The following ANK3 variants were observed in gnomAD, a reference collection of about 807,000 sequenced individuals.
ANK3 encodes the protein ankyrin-3.
ANK3 carries 57 observed loss-of-function variants against 370.9 expected under a neutral mutation model. The ratio of observed to expected loss-of-function variants is 0.15; its 90% CI spans 0.12 to 0.19. The LOEUF (loss-of-function observed/expected upper bound fraction) is 0.19, where lower values mean the gene tolerates loss of function less well. Among genes scored for constraint, ANK3 ranks in the 10% least tolerant of loss-of-function variants. ANK3 has a pLI of 1.00. For missense variants in ANK3, 4,439 were observed against 5,302.1 expected, an observed-to-expected ratio of 0.84 and a Z score of 5.06; for synonymous variants, 1,929 against 1,946.3, an observed-to-expected ratio of 0.99 and a Z score of 0.23.
At chr10:60,603,597 T>G (rs1595341971) in intron 2 of ANK3, among the ~76,000 whole-genome samples, 1 of 152,262 alleles carries the variant, frequency 6.6e-6, no homozygotes, top group Non-Finnish European at 1.5e-5. Flanking sequence ...ATGCTATTTC[T>G]CAAGCATTAA....
intron 2 of ANK3, among the ~76,000 whole-genome samples, chr10:60,548,920 C>T (rs1478018310): frequency 6.6e-6 from 1 of 152,074 alleles, no homozygotes; most frequent in African/African-American, 2.4e-5. Context: ...CTTCTGCTCA[C>T]TTAATCCACA....
At chr10:60,655,362 T>C (rs1049972780) in intron 1 of ANK3, among the ~76,000 whole-genome samples, 1 of 151,878 alleles carries the variant, frequency 6.6e-6, no homozygotes, top group Non-Finnish European at 1.5e-5. Context: ...AGGTGGAAGA[T>C]GGTAATATTG....
At chr10:60,391,249 A>G (rs2063079273), upstream of ANK3, among the ~76,000 whole-genome samples, 1 of 152,170 alleles carries the variant, frequency 6.6e-6, no homozygotes, top group Non-Finnish European at 1.5e-5. Flanking sequence ...AGGGCCTACT[A>G]TGTGCACCGA....
chr10:60,292,828 C>T (rs938719661), intron 1 of ANK3, among the ~76,000 whole-genome samples: 5 of 152,006 alleles, frequency 3.3e-5, no homozygotes, highest in Non-Finnish European at 4.4e-5. Flanking sequence ...CTGCCTCAGC[C>T]TCCTGAGTAG....
intron 7 of ANK3, among the ~76,000 whole-genome samples, chr10:60,245,814 G>A (rs1340348707): frequency 6.6e-6 from 1 of 152,180 alleles, no homozygotes; most frequent in African/African-American, 2.4e-5. Context: ...TATTTGAATA[G>A]ACTGATAAGA....
chr10:60,080,292 T>C (rs1187331423), intron 36 of ANK3, among the ~76,000 whole-genome samples: 1 of 152,230 alleles, frequency 6.6e-6, no homozygotes, highest in Non-Finnish European at 1.5e-5. Context: ...AGAAAAGTAA[T>C]ACATGTTTCT....
chr10:60,125,004 C>A (rs1470464965), intron 25 of ANK3, among the ~76,000 whole-genome samples: 2 of 152,082 alleles, frequency 1.3e-5, no homozygotes, highest in African/African-American at 4.8e-5. Flanking sequence ...AGTGAAATGG[C>A]AAACCGCGAC....
chr10:60,248,754 T>C (rs1330943106), intron 7 of ANK3, among the ~76,000 whole-genome samples: 6 of 152,190 alleles, frequency 3.9e-5, no homozygotes, highest in Non-Finnish European at 7.4e-5. Flanking sequence ...ACAGGTAACA[T>C]GGCTAGAAAA....
At chr10:60,716,283 G>A (rs1374569334) in intron 1 of ANK3, among the ~76,000 whole-genome samples, 1 of 151,802 alleles carries the variant, frequency 6.6e-6, no homozygotes, top group East Asian at 1.9e-4. Flanking sequence ...AAAACATGTA[G>A]GAAAAAAATG....
intron 24 of ANK3, among the ~76,000 whole-genome samples, chr10:60,136,208 G>C (rs1220309487): frequency 6.6e-6 from 1 of 151,912 alleles, no homozygotes; most frequent in South Asian, 2.1e-4. Flanking sequence ...ACTCAACACT[G>C]TCCAACAGAA....
chr10:60,306,895 T>C (rs2045258858), intron 1 of ANK3, among the ~76,000 whole-genome samples: 1 of 152,150 alleles, frequency 6.6e-6, no homozygotes, highest in South Asian at 2.1e-4. Context: ...ACCACATCCA[T>C]CTAATTTTTG....
chr10:60,274,734 T>C (rs72820501), intron 4 of ANK3, among the ~76,000 whole-genome samples: 2,926 of 152,334 alleles, frequency 0.019, 35 homozygotes, highest in South Asian at 0.033. Flanking sequence ...TAGCTTTCTA[T>C]TCTCTGTGTT....
At chr10:60,389,067 T>G (rs2062826230) in intron 1 of ANK3, among the ~76,000 whole-genome samples, 1 of 152,136 alleles carries the variant, frequency 6.6e-6, no homozygotes, top group Non-Finnish European at 1.5e-5. Context: ...CTCTGGCCTC[T>G]CCCTCTAACC....
At chr10:60,633,821 T>C (rs1354016874) in intron 1 of ANK3, among the ~76,000 whole-genome samples, 2 of 152,198 alleles carry the variant, frequency 1.3e-5, no homozygotes, top group Non-Finnish European at 2.9e-5. Flanking sequence ...GGGTTCTCTC[T>C]TTTTCTTTCA....
At chr10:60,204,835 T>C (rs2096736692) in intron 11 of ANK3, among the ~76,000 whole-genome samples, 1 of 152,090 alleles carries the variant, frequency 6.6e-6, no homozygotes, top group Non-Finnish European at 1.5e-5. Context: ...TGATGGTTCC[T>C]AGAAGGAACA....
upstream of ANK3, among the ~76,000 whole-genome samples, chr10:60,390,734 A>T (rs1458901782): frequency 1.1e-5 from 1 of 87,066 alleles, no homozygotes; most frequent in Non-Finnish European, 2.4e-5. Flanking sequence ...AAAAGAACAC[A>T]CACACACACA....
chr10:60,151,599 T>A (rs2095119093), intron 23 of ANK3, among the ~76,000 whole-genome samples: 1 of 152,088 alleles, frequency 6.6e-6, no homozygotes, highest in Non-Finnish European at 1.5e-5. Context: ...AAAAAAAGTG[T>A]TCAAAATTAC....
chr10:60,305,504 T>C (rs2044829323), intron 1 of ANK3, among the ~76,000 whole-genome samples: 1 of 152,058 alleles, frequency 6.6e-6, no homozygotes, highest in African/African-American at 2.4e-5. Context: ...CTGCTCTCAA[T>C]TTTTTAATCT....
chr10:60,484,097 C>T (rs769749588), intron 2 of ANK3, among the ~76,000 whole-genome samples: 1 of 152,172 alleles, frequency 6.6e-6, no homozygotes, highest in East Asian at 1.9e-4. Context: ...TAAAGTATTG[C>T]TAACATTCAC....
Sources: allele counts gnomAD v4.1 joint callset (sites outside exome capture counted in the v4.1 genomes callset), GRCh38; gene constraint gnomAD v4.1.1; transcripts MANE v1.5; gene names NCBI Gene and HGNC (gene_info 2026-07-23, HGNC 2026-07-21).